LRRK2: variants seen among roughly 807,000 people sequenced by gnomAD.
LRRK2 encodes the protein leucine rich repeat kinase 2.
LRRK2 carries 203 observed loss-of-function variants against 302.6 expected under a neutral mutation model. The ratio of observed to expected loss-of-function variants is 0.67; its 90% CI spans 0.60 to 0.75. The LOEUF (loss-of-function observed/expected upper bound fraction) is 0.75. Among genes scored for constraint, LRRK2 ranks in the 30% least tolerant of loss-of-function variants. The probability of loss-of-function intolerance (pLI) is 0.00; values close to 1 mark genes in which losing one functional copy is unlikely to be tolerated. For missense variants in LRRK2, 2,830 were observed against 2,951.0 expected (o/e 0.96, Z 0.95); for synonymous variants, 1,066 against 1,031.9 (o/e 1.03, Z -0.63).
chr12:40,265,699 G>A (rs368553889), intron 14 of LRRK2, among the ~76,000 whole-genome samples: 1 of 152,100 alleles, frequency 6.6e-6, no homozygotes, highest in East Asian at 1.9e-4. Context: ...GTCAGTCTGA[G>A]GACAAGGAAA....
intron 47 of LRRK2, among the ~76,000 whole-genome samples, chr12:40,359,838 G>T (rs997880992): frequency 6.6e-6 from 1 of 152,132 alleles, no homozygotes; most frequent in Non-Finnish European, 1.5e-5. Context: ...AGTATTGATT[G>T]TAGGAAAGAT....
chr12:40,312,053 A>G (rs1945054215), intron 31 of LRRK2, among the ~76,000 whole-genome samples: 1 of 151,992 alleles, frequency 6.6e-6, no homozygotes, highest in Non-Finnish European at 1.5e-5. Context: ...TTGTTGTCAG[A>G]GAATGTATCA....
chr12:40,348,839 A>G (rs1946271218), intron 43 of LRRK2, among the ~76,000 whole-genome samples: 1 of 151,986 alleles, frequency 6.6e-6, no homozygotes, highest in South Asian at 2.1e-4. Flanking sequence ...TCTTGGTTTT[A>G]TATGTTGCAA....
intron 34 of LRRK2, 119 bp from the exon 35 acceptor site, chr12:40,320,915 A>G: frequency 7.9e-7 from 1 of 1,271,516 alleles, no homozygotes; most frequent in Non-Finnish European, 1.1e-6. Flanking sequence ...ACAATGTTAC[A>G]AAAAGATTAC....
At chr12:40,353,081 C>T (rs1263444707) in intron 44 of LRRK2, among the ~76,000 whole-genome samples, 5 of 148,928 alleles carry the variant, frequency 3.4e-5, no homozygotes, top group South Asian at 4.3e-4. Flanking sequence ...GGCGGCCGGG[C>T]GGGGGCTGCC....
At chr12:40,364,424 A>G (rs1405858095) in intron 48 of LRRK2, among the ~76,000 whole-genome samples, 1 of 151,966 alleles carries the variant, frequency 6.6e-6, no homozygotes, top group East Asian at 1.9e-4. Context: ...GAAAAAATTC[A>G]GTGGTTTGTA....
intron 31 of LRRK2, among the ~76,000 whole-genome samples, chr12:40,311,539 TGGCCTG>T (rs1320866667): frequency 6.6e-6 from 1 of 152,216 alleles, no homozygotes; most frequent in African/African-American, 2.4e-5. Flanking sequence ...GAGTCCTATT[TGGCCTG>T]GGCAGTCCCA....
Position 40,277,889 on chromosome 12 carries a change from G to T in LRRK2, c.1943G>T (p.Gly648Val). ...TTATTTTTTTTCTTATACTTTTAGG[G>T]ATTTCAGACAATCTTAGCAATCCTC... ...FKDVAEIQTK[G>V]FQTILAILKL... is the part of the protein sequence containing the mutation. The change falls in exon 17 of 51, where the codon GGA becomes GTA. Residue 648 changes from glycine (G) to valine (V), a missense_variant and splice_region_variant. Gly to Val is a moderately radical substitution (Grantham distance 109). Transcript: ENST00000298910. 6.2e-7 allele frequency: 1 copy of T among 1,604,874 alleles called. No individual in the cohort carries two copies. Among genetic ancestry groups the T allele is most frequent in the Non-Finnish European group, 8.5e-7 (1 of 1,176,694 alleles).
At chr12:40,235,328 C>T (rs1941401022) in intron 3 of LRRK2, among the ~76,000 whole-genome samples, 1 of 152,124 alleles carries the variant, frequency 6.6e-6, no homozygotes, top group African/African-American at 2.4e-5. Flanking sequence ...AAAAATTAGC[C>T]TGGTGTGGTG....
In LRRK2 at chr12:40,305,942, G is replaced by A. The variant is rs758688913; in HGVS notation, c.3935G>A (p.Gly1312Glu). The A allele has an allele frequency of 2.5e-6, 4 of 1,610,824 alleles. No individual in the cohort carries two copies. The highest frequency in any genetic ancestry group is 4.5e-5 in the East Asian group (2 of 44,806). ...CTTAACTTTGATTTTAAACATATAG[G>A]ATGTAAAGCCAAAGACATCATAAGG... ...LHLNFDFKHI[G>E]CKAKDIIRFL... The change falls in exon 28 of 51, where the codon GGA becomes GAA. Residue 1312 changes from glycine to glutamate, a missense_variant. Physicochemically the swap from Gly to Glu is moderately conservative, Grantham distance 98. Transcript: ENST00000298910.
At chr12:40,364,362 T>A (rs1946809733) in intron 48 of LRRK2, among the ~76,000 whole-genome samples, 1 of 151,954 alleles carries the variant, frequency 6.6e-6, no homozygotes, top group South Asian at 2.1e-4. Flanking sequence ...AGGATTCTTT[T>A]ATTTCTGGAC....
At chr12:40,225,743 A>G (rs1227496339) in intron 2 of LRRK2, 103 bp downstream of exon 2, 3 of 1,014,988 alleles carry the variant, frequency 3.0e-6, no homozygotes, top group African/African-American at 3.2e-5. Context: ...TATTCCCAAA[A>G]TTTGGCTTGA....
chr12:40,237,364 G>A (rs574479191), intron 4 of LRRK2, among the ~76,000 whole-genome samples: 1 of 152,324 alleles, frequency 6.6e-6, no homozygotes, highest in East Asian at 1.9e-4. Flanking sequence ...GAGCAATTAA[G>A]CAACTGTTTT....
intron 8 of LRRK2, 121 bp from the exon 9 acceptor site, chr12:40,251,111 G>A (rs750225585): frequency 4.7e-5 from 29 of 620,594 alleles, no homozygotes; most frequent in Admixed American, 2.3e-4. Flanking sequence ...ATTGACCAAG[G>A]CTTCTCCTAA....
chr12:40,366,682 A>G, intron 49 of LRRK2: 1 of 288,740 alleles, frequency 3.5e-6, no homozygotes, highest in Non-Finnish European at 6.6e-6. Context: ...TATCCAAAGA[A>G]CTTTTCACAC....
At chr12:40,306,347 C>T (rs779774614) in intron 28 of LRRK2, among the ~76,000 whole-genome samples, 4 of 152,136 alleles carry the variant, frequency 2.6e-5, no homozygotes, top group Non-Finnish European at 5.9e-5. Context: ...ACATATGCCT[C>T]TTACATCTTA....
intron 43 of LRRK2, among the ~76,000 whole-genome samples, chr12:40,349,165 G>A (rs1025285281): frequency 6.6e-6 from 1 of 151,804 alleles, no homozygotes; most frequent in Admixed American, 6.6e-5. Context: ...TTACTAAATG[G>A]CTTCTCCCCT....
rs1335952327 is a variant in LRRK2, at chr12:40,364,918, C to T, written c.7258C>T (p.Gln2420Ter). The T allele has an allele frequency of 1.2e-6, 2 of 1,612,398 alleles. No homozygotes were observed. Among genetic ancestry groups the T allele is most frequent in the African/African-American group, 2.7e-5 (2 of 74,804 alleles). ...YSGRVKTLCL[Q>*]KNTALWIGTG... The stretch of plus-strand genomic sequence containing the variant: ...TGGGAGAGTGAAAACCCTCTGCCTT[C>T]AGAAGAACACTGCTCTTTGGATAGG... Residue 2420 changes from glutamine to a stop codon, truncating the protein, a stop_gained, in exon 49 of 51, where the codon CAG becomes TAG. Coordinates refer to ENST00000298910, the MANE Select transcript of LRRK2 (RefSeq NM_198578.4). LOFTEE classifies it high-confidence loss of function.
At chr12:40,280,535 G>A (rs1450508011) in intron 18 of LRRK2, among the ~76,000 whole-genome samples, 1 of 151,708 alleles carries the variant, frequency 6.6e-6, no homozygotes, top group South Asian at 2.1e-4. Flanking sequence ...TGAGGTGGGA[G>A]GATGACTTGA....
Sources: allele counts gnomAD v4.1 joint callset (sites outside exome capture counted in the v4.1 genomes callset), GRCh38; gene constraint gnomAD v4.1.1; transcripts MANE v1.5; gene names NCBI Gene and HGNC (gene_info 2026-07-23, HGNC 2026-07-21).